Variants in FHOD3 observed in about 807,000 individuals in gnomAD.
FHOD3 encodes FH1/FH2 domain-containing protein 3.
In FHOD3, 90 loss-of-function variants were observed where a neutral mutation model predicts 173.0. The ratio of observed to expected loss-of-function variants is 0.52; its 90% confidence interval spans 0.44 to 0.62. The LOEUF is 0.62. Ranked by LOEUF, FHOD3 falls within the 20% of genes least tolerant of loss-of-function variation. FHOD3 has a pLI of 0.00. For synonymous variants in FHOD3, 828 were observed against 823.0 expected, an observed-to-expected ratio of 1.01 and a Z score of -0.10; for missense variants, 1,945 against 2,034.7, an observed-to-expected ratio of 0.96 and a Z score of 0.85.
chr18:36,604,038 T>C (rs2031762363), intron 8 of FHOD3, among the ~76,000 whole-genome samples: 1 of 152,142 alleles, frequency 6.6e-6, no homozygotes, highest in African/African-American at 2.4e-5. Context: ...GATCACCACC[T>C]TGTAGGGCAG....
chr18:36,416,252 C>T (rs984344426), intron 3 of FHOD3, among the ~76,000 whole-genome samples: 1 of 152,212 alleles, frequency 6.6e-6, no homozygotes, highest in South Asian at 2.1e-4. Flanking sequence ...CCAGGATAGT[C>T]TCGATCTCTT....
At chr18:36,727,248 T>C (rs947439854) in intron 19 of FHOD3, among the ~76,000 whole-genome samples, 5 of 152,134 alleles carry the variant, frequency 3.3e-5, no homozygotes, top group African/African-American at 4.8e-5. Context: ...ACAATTCAAA[T>C]GGATCAGAAT....
At chr18:36,698,513 C>A (rs544167008) in intron 17 of FHOD3, among the ~76,000 whole-genome samples, 1 of 152,024 alleles carries the variant, frequency 6.6e-6, no homozygotes, top group Non-Finnish European at 1.5e-5. Flanking sequence ...TAGCTTGAAC[C>A]CAGGAGTTCA....
Position 36,760,637 on chromosome 18 carries a change from G to T in FHOD3, c.4479G>T (p.Ala1493=), listed in dbSNP as rs61565901. Residue 1493 remains alanine (A), a synonymous_variant, in exon 27 of 29, where the codon GCG becomes GCT. Coordinates refer to ENST00000590592, the MANE Select transcript of FHOD3 (RefSeq NM_001281740.3). ...GCAAGTTCTCCGGCAGTTCTCCGGC[G>T]CCCCCAAGCCAGCCGCAGGGTCTGA... ...ESGKFSGSSP[A]PPSQPQGLSY... is the part of the protein sequence containing the mutation. The T allele has an allele frequency of 6.3e-6, 10 of 1,586,542 alleles. No homozygotes were observed. Among genetic ancestry groups the T allele is most frequent in the Non-Finnish European group, 8.6e-6 (10 of 1,164,472 alleles).
At chr18:36,554,969 G>T (rs1331585996) in intron 5 of FHOD3, among the ~76,000 whole-genome samples, 3 of 152,090 alleles carry the variant, frequency 2.0e-5, no homozygotes, top group Non-Finnish European at 4.4e-5. Context: ...AATCTGGCTA[G>T]ATATATATCA....
chr18:36,331,327 T>G (rs2044996900), intron 1 of FHOD3, among the ~76,000 whole-genome samples: 1 of 152,216 alleles, frequency 6.6e-6, no homozygotes, highest in Non-Finnish European at 1.5e-5. Flanking sequence ...GAAAGTGCAC[T>G]AGAAGTGAGT....
chr18:36,433,391 A>G (rs536099836), intron 3 of FHOD3, among the ~76,000 whole-genome samples: 1 of 152,290 alleles, frequency 6.6e-6, no homozygotes, highest in East Asian at 1.9e-4. Flanking sequence ...TTCCACCTCA[A>G]GTTCACTCAC....
chr18:36,568,555 G>A (rs770641385), intron 5 of FHOD3, among the ~76,000 whole-genome samples: 98 of 149,318 alleles, frequency 6.6e-4, no homozygotes, highest in Non-Finnish European at 1.3e-3. Flanking sequence ...GTGACTTTGA[G>A]AACTGAACAA....
At position 36,652,772 on chromosome 18, in the gene FHOD3, C is replaced by T. The variant is rs191109699; in HGVS notation, c.1489C>T (p.Arg497Trp). The T allele has an allele frequency of 1.4e-4, 212 of 1,535,922 alleles. No individual in the cohort carries two copies. In the African/African-American group the frequency reaches 2.5e-3, roughly 18 times the overall value. ...CCTGTCACCCCCTGCCTCAGCTGCT[C>T]GGCCCTCCTCCGCCACACCAGGCTC... Reference protein sequence around the residue: ...ALLSPPASAARPSSATPGSLK... With the variant: ...ALLSPPASAAWPSSATPGSLK... The change falls in exon 12 of 29, where the codon CGG (arginine) becomes TGG (tryptophan). Residue 497 changes from arginine (R) to tryptophan (W), a missense_variant. This residue lies in a region of FHOD3 where 1,099 missense variants were observed against 1,051.2 expected (regional missense o/e 1.05). Transcript: ENST00000590592.
intron 24 of FHOD3, among the ~76,000 whole-genome samples, chr18:36,747,393 T>C (rs935941174): frequency 3.3e-5 from 5 of 152,356 alleles, no homozygotes; most frequent in South Asian, 2.1e-4. Flanking sequence ...TATCAGGAAC[T>C]GCGTCTGTAA....
At chr18:36,769,103 C>A (rs532881845) in intron 27 of FHOD3, among the ~76,000 whole-genome samples, 162 bp from the exon 28 acceptor site, 1 of 152,330 alleles carries the variant, frequency 6.6e-6, no homozygotes, top group South Asian at 2.1e-4. Flanking sequence ...GCAGTGGGGA[C>A]AGGTTAGCCC....
intron 2 of FHOD3, among the ~76,000 whole-genome samples, chr18:36,366,720 A>C (rs1440803036): frequency 6.6e-6 from 1 of 152,160 alleles, no homozygotes; most frequent in South Asian, 2.1e-4. Flanking sequence ...TTACTAGCTG[A>C]TGACTGGTTC....
intron 1 of FHOD3, among the ~76,000 whole-genome samples, chr18:36,303,880 G>A (rs1015984058): frequency 1.8e-4 from 28 of 152,116 alleles, no homozygotes; most frequent in African/African-American, 6.5e-4. Flanking sequence ...GGTGAAGGGG[G>A]AGCTGGGGGA....
chr18:36,682,735 C>A (rs1204043849), intron 15 of FHOD3, among the ~76,000 whole-genome samples: 1 of 152,098 alleles, frequency 6.6e-6, no homozygotes, highest in Non-Finnish European at 1.5e-5. Flanking sequence ...GGCCACACCA[C>A]CACGCCTGGC....
chr18:36,717,735 C>G, intron 18 of FHOD3, 97 bp from the exon 19 acceptor site: 1 of 1,483,138 alleles, frequency 6.7e-7, no homozygotes, highest in East Asian at 2.4e-5. Flanking sequence ...TCTCTGAAGT[C>G]ACTCCCATGT....
At chr18:36,438,699 A>G (rs1200995768) in intron 3 of FHOD3, among the ~76,000 whole-genome samples, 1 of 152,170 alleles carries the variant, frequency 6.6e-6, no homozygotes, top group Non-Finnish European at 1.5e-5. Context: ...CTGCTGCCCC[A>G]GTGCTCTCCG....
intron 5 of FHOD3, among the ~76,000 whole-genome samples, chr18:36,517,379 A>G (rs541910979): frequency 1.3e-5 from 2 of 152,326 alleles, no homozygotes; most frequent in East Asian, 3.9e-4. Context: ...GATGGAACCA[A>G]GATTCACACT....
chr18:36,573,860 T>C (rs1055535797), intron 5 of FHOD3, among the ~76,000 whole-genome samples: 1 of 152,208 alleles, frequency 6.6e-6, no homozygotes, highest in Non-Finnish European at 1.5e-5. Flanking sequence ...TTTATTTTGT[T>C]TAAACTTAGA....
chr18:36,310,558 G>A (rs2092229268), intron 1 of FHOD3, among the ~76,000 whole-genome samples: 1 of 151,880 alleles, frequency 6.6e-6, no homozygotes, highest in South Asian at 2.1e-4. Context: ...ATGGTGGTGG[G>A]TGCCCGTAAT....
Sources: allele counts gnomAD v4.1 joint callset (sites outside exome capture counted in the v4.1 genomes callset), GRCh38; gene constraint gnomAD v4.1.1; regional missense constraint gnomAD v4.1.1; transcripts MANE v1.5; gene names NCBI Gene and HGNC (gene_info 2026-07-23, HGNC 2026-07-21).